The following EPB41L1 variants were observed in gnomAD, a reference collection of about 807,000 sequenced individuals.
EPB41L1 encodes band 4.1-like protein 1.
Under a neutral mutation model 97.8 loss-of-function variants are expected in EPB41L1, and 29 were observed. The ratio of observed to expected loss-of-function variants is 0.30; its 90% CI spans 0.22 to 0.40. EPB41L1 has a LOEUF of 0.40. EPB41L1 is among the 10% of genes least tolerant of loss of function. EPB41L1 has a pLI of 1.00. For missense variants in EPB41L1, 812 were observed against 1,162.3 expected (o/e 0.70, Z 4.38); for synonymous variants, 383 against 459.2 (o/e 0.83, Z 2.12).
intron 14 of EPB41L1, chr20:36,200,786 T>A: frequency 2.3e-6 from 1 of 429,098 alleles, no homozygotes; most frequent in Non-Finnish European, 4.7e-6. Context: ...TCTCTCCTAC[T>A]TTTTCTCTTT....
rs181671938 is a variant in EPB41L1, at chr20:36,118,488, G to A, written c.-10+6008G>A. On this transcript the variant is annotated intron_variant, in intron 2 of 19. Transcript: ENST00000202028. ...TAGCACCTGGGCCAAACCAGAACCA[G>A]AGACCCAGGTTCCTAAGGAGCATTG... 3.9e-5 allele frequency among the ~76,000 whole-genome samples: 6 copies of A among 152,312 alleles called. No individual in the cohort carries two copies. The East Asian group carries it at 1.2e-3, about 29-fold the overall frequency.
chr20:36,194,914 A>G (rs191199849), intron 12 of EPB41L1, among the ~76,000 whole-genome samples: 8 of 152,292 alleles, frequency 5.3e-5, no homozygotes, highest in African/African-American at 1.7e-4. Flanking sequence ...CAGATGTGCA[A>G]ACAACATGCA....
At chr20:36,145,332 G>A (rs1441189743) in intron 2 of EPB41L1, among the ~76,000 whole-genome samples, 1 of 150,572 alleles carries the variant, frequency 6.6e-6, no homozygotes, top group Non-Finnish European at 1.5e-5. Flanking sequence ...GAAGGTTGCA[G>A]TGAGCTGAGA....
intron 1 of EPB41L1, among the ~76,000 whole-genome samples, chr20:36,100,182 A>AAAC (rs1425948043): frequency 8.5e-5 from 13 of 152,312 alleles, no homozygotes; most frequent in African/African-American, 3.1e-4. Flanking sequence ...GAGAGGGCTT[A>AAAC]TACTGTCCTG....
chr20:36,209,840 G>T lies in EPB41L1; in HGVS notation c.2021G>T (p.Gly674Val), dbSNP rs768916649. Reference protein sequence around the residue: ...GAPSQDDESGGIEDSPDRGAC... With the variant: ...GAPSQDDESGVIEDSPDRGAC... The stretch of plus-strand genomic sequence containing the variant: ...CCCAGCCAGGATGATGAGTCTGGGG[G>T]CATTGAGGACAGCCCGGATCGAGGG... Residue 674 changes from glycine (G) to valine (V), a missense_variant, in exon 15 of 22, where the codon GGC becomes GTC. Transcript: ENST00000338074. This position sits in a 1 kb window ranked among gnomAD's most constrained non-coding sequence, Gnocchi z 4.2. The T allele has an allele frequency of 5.6e-6, 9 of 1,613,690 alleles. No individual in the cohort carries two copies. The highest frequency in any genetic ancestry group is 3.3e-5 in the Admixed American group (2 of 60,002).
At chr20:36,126,213 C>T (rs912232262) in intron 2 of EPB41L1, among the ~76,000 whole-genome samples, 4 of 152,072 alleles carry the variant, frequency 2.6e-5, no homozygotes, top group Admixed American at 6.6e-5. Context: ...GTGGGGACAC[C>T]GTGCATACCT....
chr20:36,120,567 G>A (rs2058719532), intron 2 of EPB41L1, among the ~76,000 whole-genome samples: 1 of 152,174 alleles, frequency 6.6e-6, no homozygotes, highest in African/African-American at 2.4e-5. Flanking sequence ...TAGCCTGGCT[G>A]GAGCCTGAGC....
At chr20:36,102,900 C>T (rs191015684) in intron 1 of EPB41L1, among the ~76,000 whole-genome samples, 8 of 152,268 alleles carry the variant, frequency 5.3e-5, no homozygotes, top group Admixed American at 3.3e-4. Flanking sequence ...GGGAGGGCTG[C>T]GAAAACTAAT....
At chr20:36,179,071 T>A in intron 5 of EPB41L1, among the ~76,000 whole-genome samples, 1 of 138,156 alleles carries the variant, frequency 7.2e-6, no homozygotes. Flanking sequence ...CAAAATTTCA[T>A]CTCGAAAAAA....
chr20:36,194,390 C>T, intron 12 of EPB41L1, 30 bp downstream of exon 12: 1 of 1,578,210 alleles, frequency 6.3e-7, no homozygotes, highest in South Asian at 1.2e-5. Context: ...ATACTCTCTG[C>T]CCTGGGGATC....
Position 36,097,714 on chromosome 20 carries a change from G to A in EPB41L1, c.-65+6102G>A, listed in dbSNP as rs377384024. 5.3e-5 allele frequency among the ~76,000 whole-genome samples: 8 copies of A among 152,324 alleles called. No homozygotes were observed. The East Asian group carries it at 9.7e-4, about 18-fold the overall frequency. On this transcript the variant is annotated intron_variant, in intron 1 of 19. Transcript: ENST00000202028. ...GATGGTGTTTGGGCTGGATTTTACC[G>A]TCTGGGTATTTGAAATAGCATGTGC...
chr20:36,177,907 C>G (rs779273556), intron 3 of EPB41L1, 45 bp from the exon 4 acceptor site: 1 of 1,513,166 alleles, frequency 6.6e-7, no homozygotes, highest in Non-Finnish European at 9.2e-7. Context: ...CAGCCTCGCC[C>G]CGGGGTGTGC....
chr20:36,154,791 A>T lies in EPB41L1; in HGVS notation c.-120A>T. On this transcript the variant is annotated 5_prime_UTR_variant, in exon 1 of 22. Transcript: ENST00000338074. The surrounding 1 kb of genome is among the most constrained non-coding windows in gnomAD (Gnocchi z 5.5). ...TGTCGCCGAACAGGCTGCTCCGCAG[A>T]GCCCGCCGCGACCCCGCGCCGCCCC... The T allele has an allele frequency of 1.0e-6, 1 of 988,906 alleles. No individual in the cohort carries two copies. Among genetic ancestry groups the T allele is most frequent in the Non-Finnish European group, 1.2e-6 (1 of 832,172 alleles). The allele number at this position is 988,906 out of a possible 1,614,324, so 61.3% of individuals were successfully genotyped here.
intron 2 of EPB41L1, 22 bp downstream of exon 2, chr20:36,173,976 CGTA>C: frequency 6.2e-7 from 1 of 1,602,234 alleles, no homozygotes. Flanking sequence ...AGAGCATGGG[CGTA>C]CCTTTCCTGC....
At chr20:36,161,120 G>C (rs900654217) in intron 1 of EPB41L1, among the ~76,000 whole-genome samples, 4 of 152,220 alleles carry the variant, frequency 2.6e-5, no homozygotes, top group Non-Finnish European at 5.9e-5. Flanking sequence ...AACTGGTCTT[G>C]GAGGAGGCCA....
Position 36,092,468 on chromosome 20 carries a change from G to A in EPB41L1, c.-65+856G>A, listed in dbSNP as rs1049151039. On this transcript the variant is annotated intron_variant, in intron 1 of 19. Transcript: ENST00000202028. This position sits in a 1 kb window ranked among gnomAD's most constrained non-coding sequence, Gnocchi z 7.0. ...TTCCTCTGCTCCCCTCCCCGGGACC[G>A]GCGCGCGGCCCCAGCTCCGGCGGCT... 3.9e-5 allele frequency among the ~76,000 whole-genome samples: 6 copies of A among 151,958 alleles called. No homozygotes were observed. Among genetic ancestry groups the A allele is most frequent in the African/African-American group, 1.4e-4 (6 of 41,416 alleles).
At chr20:36,129,183 C>T (rs901400348) in intron 2 of EPB41L1, among the ~76,000 whole-genome samples, 5 of 151,972 alleles carry the variant, frequency 3.3e-5, no homozygotes, top group African/African-American at 4.8e-5. Flanking sequence ...GTTTGGTTTG[C>T]GAGTCCCTGT....
Position 36,188,424 on chromosome 20 carries a change from C to T in EPB41L1, c.951C>T (p.Asn317=), listed in dbSNP as rs1788612875. The T allele has an allele frequency of 3.7e-6, 6 of 1,613,976 alleles. No homozygotes were observed. Among genetic ancestry groups the T allele is most frequent in the East Asian group, 2.2e-5 (1 of 44,876 alleles). Residue 317 remains asparagine (N), a synonymous_variant, in exon 9 of 22, where the codon AAC becomes AAT. Coordinates refer to ENST00000338074, the MANE Select transcript of EPB41L1 (RefSeq NM_012156.2). ...LLIYRDRLRI[N]RFAWPKILKI... ...TCTACCGGGACCGGCTGAGAATCAA[C>T]CGCTTTGCCTGGCCCAAGATCCTCA...
At position 36,176,772 on chromosome 20, in the gene EPB41L1, C is replaced by A. The variant is rs142625216; in HGVS notation, c.342+1057C>A. Among the ~76,000 whole-genome samples, 1,307 of 151,944 alleles carry A rather than the reference C, an allele frequency of 8.6e-3. 27 individuals carry two copies. Among genetic ancestry groups the A allele is most frequent in the African/African-American group, 0.03 (1,224 of 41,448 alleles). The stretch of plus-strand genomic sequence containing the variant: ...TCAGCCTCCTGAATAGCTGGGATTA[C>A]AGGTGCCCGCCACCACACCCGGCTA... On this transcript the variant is annotated intron_variant, in intron 3 of 21. Transcript: ENST00000338074.
Sources: allele counts gnomAD v4.1 joint callset (sites outside exome capture counted in the v4.1 genomes callset), GRCh38; gene constraint gnomAD v4.1.1; non-coding constraint Gnocchi (gnomAD v3.1); transcripts MANE v1.5; gene names NCBI Gene and HGNC (gene_info 2026-07-23, HGNC 2026-07-21).